The following NRXN1 variants were observed in gnomAD, a reference collection of about 807,000 sequenced individuals.
NRXN1 encodes the protein neurexin 1, also known as neurexin-1.
Under a neutral mutation model 150.9 loss-of-function variants are expected in NRXN1, and 39 were observed. The ratio of observed to expected loss-of-function variants is 0.26; its 90% CI spans 0.20 to 0.34. The LOEUF (loss-of-function observed/expected upper bound fraction) is 0.34, where lower values mean the gene tolerates loss of function less well. Among genes scored for constraint, NRXN1 ranks in the 10% least tolerant of loss-of-function variants. The pLI is 1.00. For missense variants in NRXN1, 1,815 were observed against 1,949.9 expected (o/e 0.93, Z 1.30); for synonymous variants, 924 against 757.0 (o/e 1.22, Z -3.62).
intron 18 of NRXN1, among the ~76,000 whole-genome samples, chr2:50,156,181 G>A (rs974265335): frequency 2.0e-5 from 3 of 151,680 alleles, no homozygotes; most frequent in Non-Finnish European, 4.4e-5. Context: ...TAAAGTTAAA[G>A]TAAAAAAATT....
rs1036727411 is a variant in NRXN1 at position 50,347,027 on chromosome 2, C to T, written c.3365-110057G>A. The T allele has an allele frequency of 5.1e-6, 7 of 1,369,736 alleles. No individual in the cohort carries two copies. The highest frequency in any genetic ancestry group is 1.3e-5 in the South Asian group (1 of 77,708). The allele number at this position is 1,369,736 out of a possible 1,614,324, so 84.8% of individuals were successfully genotyped here. ...GGGGAGAGGAGAGGGCGCAGGGGAG[C>T]GGGCGGCGCGGAGTGGGCTGAGGGG... is the stretch of plus-strand genomic sequence containing the variant. On this transcript the variant is annotated intron_variant, in intron 17 of 22. Transcript: ENST00000401669. The surrounding 1 kb of genome is among the most constrained non-coding windows in gnomAD (Gnocchi z 4.9).
At chr2:50,810,662 ATAAG>A (rs1346924321) in intron 5 of NRXN1, among the ~76,000 whole-genome samples, 1 of 152,154 alleles carries the variant, frequency 6.6e-6, no homozygotes, top group Non-Finnish European at 1.5e-5. Context: ...AATCAGCATA[ATAAG>A]TAAGCTAAAA....
chr2:50,880,943 G>A (rs1679338102), intron 5 of NRXN1, among the ~76,000 whole-genome samples: 1 of 151,890 alleles, frequency 6.6e-6, no homozygotes, highest in Admixed American at 6.6e-5. Context: ...GAGAAGACAT[G>A]AGTAGAGTCA....
intron 18 of NRXN1, among the ~76,000 whole-genome samples, chr2:50,172,414 CT>C (rs2060087776): frequency 6.6e-6 from 1 of 152,098 alleles, no homozygotes; most frequent in Admixed American, 6.6e-5. Flanking sequence ...TTCTTGGAAT[CT>C]AGGGCAGGGC....
At chr2:50,690,302 T>C (rs1361199378) in intron 5 of NRXN1, among the ~76,000 whole-genome samples, 1 of 152,164 alleles carries the variant, frequency 6.6e-6, no homozygotes, top group African/African-American at 2.4e-5. Flanking sequence ...ATGAAAAGCA[T>C]AGTGTTATAA....
intron 5 of NRXN1, among the ~76,000 whole-genome samples, chr2:50,734,153 G>A (rs1040139647): frequency 6.6e-6 from 1 of 152,074 alleles, no homozygotes; most frequent in Non-Finnish European, 1.5e-5. Flanking sequence ...CATCCTATAA[G>A]ACAAAGGACA....
chr2:50,459,384 T>C (rs1047580391), intron 17 of NRXN1, among the ~76,000 whole-genome samples: 5 of 152,068 alleles, frequency 3.3e-5, no homozygotes, highest in Non-Finnish European at 7.4e-5. Flanking sequence ...GTCACATGGG[T>C]TTGTTGTACA....
intron 5 of NRXN1, among the ~76,000 whole-genome samples, chr2:50,855,670 A>T (rs1474681804): frequency 6.6e-6 from 1 of 152,066 alleles, no homozygotes; most frequent in African/African-American, 2.4e-5. Flanking sequence ...AACTTCTTGG[A>T]AATTTAAAAT....
At chr2:50,825,956 G>A (rs1670392866) in intron 5 of NRXN1, among the ~76,000 whole-genome samples, 1 of 152,198 alleles carries the variant, frequency 6.6e-6, no homozygotes, top group Non-Finnish European at 1.5e-5. Context: ...GAGGTATTGT[G>A]TTGGCTCTGC....
At chr2:50,809,574 T>C (rs9750635) in intron 5 of NRXN1, among the ~76,000 whole-genome samples, 15,804 of 152,190 alleles carry the variant, frequency 0.1, 911 homozygotes, top group Admixed American at 0.14. Flanking sequence ...GCTATTAAAA[T>C]TCCTGAGATA....
chr2:50,881,514 C>T (rs1381064425), intron 5 of NRXN1, among the ~76,000 whole-genome samples: 1 of 151,824 alleles, frequency 6.6e-6, no homozygotes. Flanking sequence ...TGTTGTCATG[C>T]TGTTGATAAA....
Position 50,589,457 on chromosome 2 carries a change from A to G in NRXN1, c.1320+30565T>C, listed in dbSNP as rs1294972598. 2.0e-5 allele frequency: 3 copies of G among 150,948 alleles called. No individual in the cohort carries two copies. The East Asian group carries it at 5.9e-4, about 30-fold the overall frequency. The allele number at this position is 150,948 out of a possible 1,614,324, so 9.4% of individuals were successfully genotyped here. A position where few individuals can be genotyped will look rare whatever the true frequency, so the allele number is the denominator to read the frequency against. On this transcript the variant is annotated intron_variant, in intron 8 of 22. Coordinates refer to ENST00000401669, the MANE Select transcript of NRXN1 (RefSeq NM_001330078.2). ...CTGCAACCTCCCCATCCTGGGCTCA[A>G]GTGAGCCTCTCTCCTCAGCCTCCTG...
At chr2:50,083,095 G>C (rs535013332) in intron 19 of NRXN1, among the ~76,000 whole-genome samples, 12 of 152,140 alleles carry the variant, frequency 7.9e-5, no homozygotes, top group Admixed American at 2.0e-4. Flanking sequence ...CTGTATGTTA[G>C]CTTCTACTAC....
At chr2:49,987,194 C>T (rs1057343183) in intron 21 of NRXN1, among the ~76,000 whole-genome samples, 1 of 151,944 alleles carries the variant, frequency 6.6e-6, no homozygotes, top group African/African-American at 2.4e-5. Flanking sequence ...TTACCTTTCC[C>T]AGCCTACAAT....
At chr2:50,854,350 C>T (rs1337096257) in intron 5 of NRXN1, among the ~76,000 whole-genome samples, 1 of 152,010 alleles carries the variant, frequency 6.6e-6, no homozygotes, top group East Asian at 1.9e-4. Flanking sequence ...AATATCTAAG[C>T]ATATCCAAAT....
At chr2:50,455,776 T>C (rs9917153) in intron 17 of NRXN1, among the ~76,000 whole-genome samples, 24,937 of 152,060 alleles carry the variant, frequency 0.16, 3,221 homozygotes, top group East Asian at 0.53. Context: ...TCTGGATCCT[T>C]GGTATTGGAT....
At chr2:50,591,343 T>C (rs1285796847) in intron 8 of NRXN1, among the ~76,000 whole-genome samples, 2 of 151,892 alleles carry the variant, frequency 1.3e-5, no homozygotes, top group African/African-American at 2.4e-5. Flanking sequence ...TCTTCATAAT[T>C]AGGACAGTCA....
At chr2:50,754,296 C>A (rs973747550) in intron 5 of NRXN1, among the ~76,000 whole-genome samples, 1 of 151,764 alleles carries the variant, frequency 6.6e-6, no homozygotes, top group Non-Finnish European at 1.5e-5. Flanking sequence ...ATACACACAT[C>A]CTCTTATTAT....
At chr2:50,414,435 T>C (rs1294043030) in intron 17 of NRXN1, among the ~76,000 whole-genome samples, 1 of 152,068 alleles carries the variant, frequency 6.6e-6, no homozygotes, top group Non-Finnish European at 1.5e-5. Flanking sequence ...ACTCCATAAA[T>C]ATATATACCT....
Sources: gnomAD v4.1 joint callset for allele counts (sites outside exome capture counted in the v4.1 genomes callset) on GRCh38, gnomAD v4.1.1 for gene constraint, Gnocchi (gnomAD v3.1) non-coding constraint, MANE v1.5 for transcripts, NCBI Gene and HGNC (gene_info 2026-07-23, HGNC 2026-07-21) for gene names.